The following NKAIN2 variants were observed in gnomAD, a reference collection of about 807,000 sequenced individuals.
NKAIN2 encodes the protein sodium/potassium transporting ATPase interacting 2, also known as sodium/potassium-transporting ATPase subunit beta-1-interacting protein 2.
Under a neutral mutation model 32.6 loss-of-function variants are expected in NKAIN2, and 14 were observed. The observed-to-expected ratio is 0.43, with a 90% CI of 0.28 to 0.67. The LOEUF is 0.67. NKAIN2 is among the 30% of genes least tolerant of loss of function. NKAIN2 has a pLI of 0.17. For missense variants in NKAIN2, 198 were observed against 258.3 expected (o/e 0.77, Z 1.60); for synonymous variants, 80 against 87.2 (o/e 0.92, Z 0.46).
At chr6:124,440,300 G>T (rs1775634601) in intron 3 of NKAIN2, among the ~76,000 whole-genome samples, 2 of 151,982 alleles carry the variant, frequency 1.3e-5, no homozygotes, top group African/African-American at 4.8e-5. Context: ...GATTCTACTG[G>T]TCCTCTTTTA....
At chr6:124,234,515 C>A (rs1260512582) in intron 1 of NKAIN2, among the ~76,000 whole-genome samples, 1 of 151,968 alleles carries the variant, frequency 6.6e-6, no homozygotes. Flanking sequence ...AATATAGAAA[C>A]CATATTCTTA....
At chr6:124,292,027 A>G (rs911385554) in intron 2 of NKAIN2, among the ~76,000 whole-genome samples, 1 of 152,172 alleles carries the variant, frequency 6.6e-6, no homozygotes, top group African/African-American at 2.4e-5. Flanking sequence ...ATGCTTTTCA[A>G]CATTTGCCTT....
intron 4 of NKAIN2, 49 bp from the exon 5 acceptor site, chr6:124,791,290 G>C: frequency 7.0e-7 from 1 of 1,419,572 alleles, no homozygotes. Context: ...AGTGAGGTCT[G>C]GTGTTGGTGC....
At chr6:123,881,157 G>A (rs1005176944) in intron 1 of NKAIN2, among the ~76,000 whole-genome samples, 7 of 152,046 alleles carry the variant, frequency 4.6e-5, no homozygotes, top group Non-Finnish European at 8.8e-5. Flanking sequence ...GAGTAGCTAG[G>A]ATTATAGGCG....
chr6:124,237,207 G>T (rs1792818999), intron 1 of NKAIN2, among the ~76,000 whole-genome samples: 1 of 152,108 alleles, frequency 6.6e-6, no homozygotes, highest in Non-Finnish European at 1.5e-5. Context: ...GCAGGTGAGT[G>T]CATATTGTGG....
At chr6:124,438,462 T>G (rs1775553812) in intron 3 of NKAIN2, among the ~76,000 whole-genome samples, 1 of 152,160 alleles carries the variant, frequency 6.6e-6, no homozygotes, top group Non-Finnish European at 1.5e-5. Flanking sequence ...TTAAACTCAG[T>G]TTTTTCTGTT....
At position 124,706,505 on chromosome 6, in the gene NKAIN2, C is replaced by CAAAACA. The variant is rs1554254530; in HGVS notation, c.474+48123_474+48124insCAAAAA. On this transcript the variant is annotated intron_variant, in intron 4 of 6. Transcript: ENST00000368417. ...GCTCCATGGAGGTCCTCAAAAAAAA[C>CAAAACA]AAAAAAAAGATTGAATCAAGTCCAG... Among the ~76,000 whole-genome samples, 100 of 151,112 alleles carry CAAAACA rather than the reference C, an allele frequency of 6.6e-4. 1 individual carries two copies. The highest frequency in any genetic ancestry group is 2.1e-3 in the African/African-American group (88 of 41,256).
chr6:124,520,284 C>T (rs1396586619), intron 3 of NKAIN2, among the ~76,000 whole-genome samples: 3 of 152,052 alleles, frequency 2.0e-5, no homozygotes, highest in Non-Finnish European at 2.9e-5. Flanking sequence ...CTCAGTGATG[C>T]GTGTGATCCT....
chr6:124,579,470 G>A (rs1417935973), intron 3 of NKAIN2, among the ~76,000 whole-genome samples: 5 of 152,222 alleles, frequency 3.3e-5, no homozygotes, highest in African/African-American at 1.2e-4. Flanking sequence ...GAATGCATCA[G>A]AGTCTCTTAA....
chr6:123,850,355 A>AAAAATAT (rs1262534272), intron 1 of NKAIN2, among the ~76,000 whole-genome samples: 1 of 133,496 alleles, frequency 7.5e-6, no homozygotes, highest in African/African-American at 2.9e-5. Flanking sequence ...AAAAAAAAAA[A>AAAAATAT]ATATATATAT....
At chr6:124,474,219 G>A (rs1168104577) in intron 3 of NKAIN2, among the ~76,000 whole-genome samples, 2 of 152,036 alleles carry the variant, frequency 1.3e-5, no homozygotes, top group Non-Finnish European at 2.9e-5. Context: ...CCTTTTCAAG[G>A]TGGAATCTGC....
intron 3 of NKAIN2, among the ~76,000 whole-genome samples, chr6:124,649,582 AAG>A: frequency 6.6e-6 from 1 of 152,178 alleles, no homozygotes; most frequent in African/African-American, 2.4e-5. Context: ...CAGAAGATAG[AAG>A]CAGAGACACT....
intron 1 of NKAIN2, among the ~76,000 whole-genome samples, chr6:124,066,017 A>C: frequency 6.6e-6 from 1 of 152,242 alleles, no homozygotes; most frequent in African/African-American, 2.4e-5. Context: ...GAAGTGGGGA[A>C]CAACATAAGT....
At chr6:124,008,429 A>G (rs2114728771) in intron 1 of NKAIN2, among the ~76,000 whole-genome samples, 1 of 152,292 alleles carries the variant, frequency 6.6e-6, no homozygotes, top group East Asian at 1.9e-4. Flanking sequence ...ATTAGTCATG[A>G]GTTCCATAAG....
Position 124,398,252 on chromosome 6 carries a change from C to CAAAAA in NKAIN2, c.273+42931_273+42935dup, listed in dbSNP as rs869039720. Among the ~76,000 whole-genome samples the CAAAAA allele has an allele frequency of 2.0e-3, 136 of 69,050 alleles. 5 individuals are homozygous for CAAAAA. The highest frequency in any genetic ancestry group is 4.6e-3 in the African/African-American group (59 of 12,912). 45.3% of individuals were successfully genotyped at this position (69,050 alleles called of 152,430 possible). The stretch of plus-strand genomic sequence containing the variant: ...TGGGTGACAGAGAGAGACTGCATCT[C>CAAAAA]AAAAAAAAAAAAAAAAAAAAAAAAA... On this transcript the variant is annotated intron_variant, in intron 3 of 6. Coordinates refer to ENST00000368417, the MANE Select transcript of NKAIN2 (RefSeq NM_001040214.3).
At chr6:124,294,724 T>A (rs776854354) in intron 2 of NKAIN2, among the ~76,000 whole-genome samples, 1 of 152,100 alleles carries the variant, frequency 6.6e-6, no homozygotes, top group Admixed American at 6.6e-5. Flanking sequence ...GAAATAGTTG[T>A]CATTTTCCTG....
At chr6:124,505,802 G>C (rs1011891806) in intron 3 of NKAIN2, among the ~76,000 whole-genome samples, 2 of 152,114 alleles carry the variant, frequency 1.3e-5, no homozygotes, top group Non-Finnish European at 2.9e-5. Flanking sequence ...CATGTGGGTA[G>C]AGTGTCCTTT....
intron 1 of NKAIN2, among the ~76,000 whole-genome samples, chr6:124,061,162 A>G (rs1426005830): frequency 6.6e-6 from 1 of 152,132 alleles, no homozygotes; most frequent in African/African-American, 2.4e-5. Flanking sequence ...AAATTGCAGC[A>G]TGTTTTGGAT....
intron 3 of NKAIN2, among the ~76,000 whole-genome samples, chr6:124,524,779 G>C (rs1210771928): frequency 6.6e-6 from 1 of 152,172 alleles, no homozygotes; most frequent in Non-Finnish European, 1.5e-5. Flanking sequence ...TATCAAGATA[G>C]TTCTCTGTGC....
Sources: allele counts gnomAD v4.1 joint callset (sites outside exome capture counted in the v4.1 genomes callset), GRCh38; gene constraint gnomAD v4.1.1; transcripts MANE v1.5; gene names NCBI Gene and HGNC (gene_info 2026-07-23, HGNC 2026-07-21).